Variants in MCM9 observed in about 807,000 individuals in gnomAD.
The protein encoded by MCM9 is minichromosome maintenance 9 homologous recombination repair factor, also known as DNA helicase MCM9.
MCM9 carries 55 observed loss-of-function variants against 72.8 expected under a neutral mutation model. That is an observed-to-expected ratio of 0.76 (90% CI 0.61 to 0.95). The LOEUF is 0.95. Among genes scored for constraint, MCM9 ranks in the 40% least tolerant of loss-of-function variants. The probability of loss-of-function intolerance (pLI) is 0.00; values close to 1 mark genes in which losing one functional copy is unlikely to be tolerated. For missense variants in MCM9, 1,279 were observed against 1,377.0 expected (o/e 0.93, Z 1.13); for synonymous variants, 480 against 503.4 (o/e 0.95, Z 0.62).
chr6:118,859,926 G>A (rs190197019), intron 8 of MCM9, among the ~76,000 whole-genome samples: 68 of 152,316 alleles, frequency 4.5e-4, no homozygotes, highest in African/African-American at 1.5e-3. Flanking sequence ...AAGCACGTGT[G>A]AAGTTCACAG....
At chr6:118,823,084 C>T (rs1181278528) in intron 13 of MCM9, among the ~76,000 whole-genome samples, 1 of 152,126 alleles carries the variant, frequency 6.6e-6, no homozygotes, top group African/African-American at 2.4e-5. Context: ...ATTCAGCTCC[C>T]TGCCATCAGC....
At position 118,827,939 on chromosome 6, in the gene MCM9, G is replaced by GT. The variant is rs1774273483; in HGVS notation, c.1719dup (p.Arg574ThrfsTer13). On this transcript the variant is annotated frameshift_variant, in exon 11 of 14. Coordinates refer to ENST00000619706, the MANE Select transcript of MCM9 (RefSeq NM_017696.3). LOFTEE classifies it high-confidence loss of function. ...GAATGAAATAGACCTTCTGCTAATC[G>GT]TATCAAGCTTTCCAACAGCCGAATG... 1.3e-6 allele frequency: 2 copies of GT among 1,550,782 alleles called. No homozygotes were observed. The highest frequency in any genetic ancestry group is 2.4e-5 in the East Asian group (1 of 40,932).
intron 8 of MCM9, among the ~76,000 whole-genome samples, chr6:118,875,414 T>C (rs1009282944): frequency 1.3e-5 from 2 of 152,082 alleles, no homozygotes; most frequent in Non-Finnish European, 2.9e-5. Context: ...AGCAGGCATA[T>C]TGCTTGAGCA....
chr6:118,831,110 C>T (rs954264111), intron 9 of MCM9, among the ~76,000 whole-genome samples: 10 of 152,030 alleles, frequency 6.6e-5, no homozygotes, highest in African/African-American at 2.4e-4. Context: ...AAAGCTTAAG[C>T]TTAAGAATCA....
chr6:118,907,727 A>G, intron 8 of MCM9: 1 of 784,466 alleles, frequency 1.3e-6, no homozygotes, highest in Non-Finnish European at 2.0e-6. Flanking sequence ...GTTTAAAAAC[A>G]TCCTGTAGAA....
At chr6:118,905,729 T>A in intron 8 of MCM9, 1 of 1,613,548 alleles carries the variant, frequency 6.2e-7, no homozygotes, top group Non-Finnish European at 8.5e-7. Flanking sequence ...CTTGTACCTA[T>A]CGAGGACAAG....
Position 118,829,075 on chromosome 6 carries a change from T to G in MCM9, c.1501A>C (p.Ile501Leu). Reference sequence around the variant, plus strand: ...TTATTTTCTAAGATAAAGGAGGAAATGATACGATCCCAGTCTTCATTCTTG... The same window carrying G: ...TTATTTTCTAAGATAAAGGAGGAAAGGATACGATCCCAGTCTTCATTCTTG... The part of the protein sequence containing the change: ...DTKNEDWDRI[I>L]SSFILENKGY... Residue 501 changes from isoleucine to leucine, a missense_variant, in exon 10 of 14, where the codon ATT becomes CTT. By Grantham distance (5) the Ile-to-Leu change is conservative. Coordinates refer to ENST00000619706, the MANE Select transcript of MCM9 (RefSeq NM_017696.3). The G allele has an allele frequency of 6.4e-7, 1 of 1,550,662 alleles. No homozygotes were observed. The highest frequency in any genetic ancestry group is 8.7e-7 in the Non-Finnish European group (1 of 1,146,996).
At chr6:118,827,075 T>C (rs537265026) in intron 11 of MCM9, among the ~76,000 whole-genome samples, 1 of 152,352 alleles carries the variant, frequency 6.6e-6, no homozygotes, top group African/African-American at 2.4e-5. Flanking sequence ...CACAATCTTG[T>C]ATATTTATAT....
chr6:118,895,930 T>C (rs914900763), intron 8 of MCM9, among the ~76,000 whole-genome samples: 2 of 152,044 alleles, frequency 1.3e-5, no homozygotes, highest in Admixed American at 6.5e-5. Flanking sequence ...TTCATTGTAA[T>C]AAACTTTTAG....
chr6:118,858,833 A>G (rs1370408627), intron 8 of MCM9, among the ~76,000 whole-genome samples: 3 of 152,052 alleles, frequency 2.0e-5, no homozygotes, highest in East Asian at 3.8e-4. Context: ...GGAAAACTCT[A>G]TTTTCAAGAT....
intron 9 of MCM9, among the ~76,000 whole-genome samples, chr6:118,838,411 A>G (rs1012649542): frequency 1.6e-4 from 24 of 151,630 alleles, no homozygotes; most frequent in Non-Finnish European, 2.9e-4. Context: ...CTCCTGCCTC[A>G]GCCTCCTGAG....
intron 9 of MCM9, among the ~76,000 whole-genome samples, chr6:118,835,129 T>C (rs1774867372): frequency 6.6e-6 from 1 of 152,228 alleles, no homozygotes; most frequent in Non-Finnish European, 1.5e-5. Context: ...TGCTTGTTTT[T>C]GTCAGGTTTG....
At chr6:118,897,967 G>T (rs1434986009) in intron 8 of MCM9, among the ~76,000 whole-genome samples, 2 of 152,170 alleles carry the variant, frequency 1.3e-5, no homozygotes, top group Admixed American at 6.5e-5. Flanking sequence ...TTCTTGTTAA[G>T]GCTAGATTCT....
chr6:118,902,669 T>A (rs1779885549), intron 8 of MCM9, among the ~76,000 whole-genome samples: 1 of 152,106 alleles, frequency 6.6e-6, no homozygotes, highest in Non-Finnish European at 1.5e-5. Context: ...AAAAAAAATG[T>A]ATTCAAAAGT....
intron 10 of MCM9, 47 bp from the exon 11 acceptor site, chr6:118,828,177 C>G: frequency 7.1e-7 from 1 of 1,409,846 alleles, no homozygotes. Flanking sequence ...GACAGGCAAA[C>G]ATCTCATTTT....
chr6:118,815,569 G>C lies in MCM9; in HGVS notation c.2687C>G (p.Pro896Arg). Residue 896 changes from proline (P) to arginine (R), a missense_variant, in exon 14 of 14, where the codon CCG becomes CGG. Transcript: ENST00000619706. The part of the protein sequence containing the change: ...RMLDSPKRKR[P>R]KSLAQVEEPA... ...CTCTTCCACTTGCGCAAGGGATTTC[G>C]GTCTCTTTCTTTTGGGTGAGTCCAG... The C allele has an allele frequency of 1.1e-5, 17 of 1,550,312 alleles. No homozygotes were observed. Among genetic ancestry groups the C allele is most frequent in the East Asian group, 2.4e-5 (1 of 40,894 alleles).
At chr6:118,865,356 C>T (rs1204108762) in intron 8 of MCM9, among the ~76,000 whole-genome samples, 1 of 152,120 alleles carries the variant, frequency 6.6e-6, no homozygotes, top group Non-Finnish European at 1.5e-5. Context: ...TTTTATAGCA[C>T]CTCCCTAAAT....
chr6:118,826,052 G>T (rs1430996976), intron 13 of MCM9, 95 bp downstream of exon 13: 2 of 1,352,436 alleles, frequency 1.5e-6, no homozygotes, highest in Non-Finnish European at 2.0e-6. Flanking sequence ...ACACCTGATA[G>T]ATAGATTTTT....
intron 8 of MCM9, chr6:118,910,677 G>A (rs1038494703): frequency 4.1e-6 from 4 of 985,124 alleles, no homozygotes; most frequent in African/African-American, 1.7e-5. Flanking sequence ...GATTTAAAAC[G>A]CATGGGAAAT....
Sources: gnomAD v4.1 joint callset for allele counts (sites outside exome capture counted in the v4.1 genomes callset) on GRCh38, gnomAD v4.1.1 for gene constraint, MANE v1.5 for transcripts, NCBI Gene and HGNC (gene_info 2026-07-23, HGNC 2026-07-21) for gene names.